The following SUFU variants were observed in gnomAD, a reference collection of about 807,000 sequenced individuals.
SUFU encodes the protein SUFU negative regulator of hedgehog signaling, also known as suppressor of fused homolog.
A neutral mutation model predicts 58.9 loss-of-function variants in SUFU; 7 were observed. The observed-to-expected ratio is 0.12, with a 90% CI of 0.07 to 0.22. The LOEUF (loss-of-function observed/expected upper bound fraction) is 0.22. Among genes scored for constraint, SUFU ranks in the 10% least tolerant of loss-of-function variants. The pLI, the probability that SUFU is intolerant of heterozygous loss-of-function variation, is 1.00. For missense variants in SUFU, 451 were observed against 641.3 expected, an observed-to-expected ratio of 0.70 and a Z score of 3.20; for synonymous variants, 232 against 254.8, an observed-to-expected ratio of 0.91 and a Z score of 0.85.
chr10:102,587,786 G>A (rs539514857), intron 3 of SUFU, among the ~76,000 whole-genome samples: 4 of 152,272 alleles, frequency 2.6e-5, no homozygotes, highest in East Asian at 3.9e-4. Context: ...GAGCCACTGC[G>A]CCCAGCCAGC....
chr10:102,572,719 G>T lies in SUFU; in HGVS notation c.455-19863G>T. 5 of 712,016 alleles carry T rather than the reference G, an allele frequency of 7.0e-6. No homozygotes were observed. The East Asian group carries it at 1.4e-4, about 19-fold the overall frequency. The allele number at this position is 712,016 out of a possible 1,614,324, so 44.1% of individuals were successfully genotyped here. A position where few individuals can be genotyped will look rare whatever the true frequency, so the allele number is the denominator to read the frequency against. On this transcript the variant is annotated intron_variant, in intron 3 of 11. Transcript: ENST00000369902. ...TTTTTTGTTGTTGTTATGGTGAAAA[G>T]ATATACATATATTTAGAATTACCCA...
Position 102,504,179 on chromosome 10 carries a change from C to A in SUFU, c.27C>A (p.Ala9=), listed in dbSNP as rs1244167364. ...TGGCGGAGCTGCGGCCTAGCGGCGC[C>A]CCCGGCCCCACCGCGCCCCCGGCCC... The part of the protein sequence containing the change: MAELRPSG[A]PGPTAPPAPG... Residue 9 remains alanine, a synonymous_variant, in exon 1 of 12, where the codon GCC becomes GCA. Transcript: ENST00000369902. 1.3e-6 allele frequency: 2 copies of A among 1,546,880 alleles called. No homozygotes were observed. The highest frequency in any genetic ancestry group is 8.7e-7 in the Non-Finnish European group (1 of 1,147,254).
intron 9 of SUFU, 79 bp downstream of exon 9, chr10:102,615,481 A>C (rs2135930900): frequency 1.9e-6 from 3 of 1,604,172 alleles, no homozygotes; most frequent in Non-Finnish European, 2.6e-6. Context: ...GAGCCTCCCC[A>C]GCCCCCTCCC....
chr10:102,505,179 AG>A (rs1199060279), intron 1 of SUFU, among the ~76,000 whole-genome samples: 7 of 152,118 alleles, frequency 4.6e-5, no homozygotes, highest in Non-Finnish European at 1.5e-5. Flanking sequence ...CATTAAGAGG[AG>A]CTTCTCGGCC....
chr10:102,584,454 T>G (rs1000602608), intron 3 of SUFU, among the ~76,000 whole-genome samples: 1 of 152,186 alleles, frequency 6.6e-6, no homozygotes, highest in African/African-American at 2.4e-5. Context: ...ATGCTAGGAT[T>G]ACAGGCATGA....
intron 2 of SUFU, among the ~76,000 whole-genome samples, chr10:102,520,387 T>A (rs1183603903): frequency 6.6e-6 from 1 of 151,506 alleles, no homozygotes; most frequent in Non-Finnish European, 1.5e-5. Flanking sequence ...CCGGCTAATT[T>A]TTTTGTATGT....
intron 2 of SUFU, among the ~76,000 whole-genome samples, chr10:102,515,085 C>A (rs180712569): frequency 1.3e-5 from 2 of 152,182 alleles, no homozygotes; most frequent in African/African-American, 2.4e-5. Flanking sequence ...TTCTGCACCC[C>A]CCGTGGGGTC....
chr10:102,504,468 G>T, intron 1 of SUFU, 134 bp downstream of exon 1: 1 of 1,503,656 alleles, frequency 6.7e-7, no homozygotes, highest in Non-Finnish European at 8.9e-7. Flanking sequence ...GCTTCTTGCT[G>T]CGAGGGAAGG....
At chr10:102,535,074 T>G (rs1564669507) in intron 2 of SUFU, among the ~76,000 whole-genome samples, 1 of 152,132 alleles carries the variant, frequency 6.6e-6, no homozygotes, top group Non-Finnish European at 1.5e-5. Context: ...GAACTCAGCC[T>G]GATTCCCAAG....
chr10:102,581,515 A>T (rs2063279906), intron 3 of SUFU, among the ~76,000 whole-genome samples: 1 of 152,080 alleles, frequency 6.6e-6, no homozygotes, highest in Admixed American at 6.5e-5. Context: ...CTTGAGAAGG[A>T]GCTGTCTTCC....
chr10:102,510,638 A>G (rs1305694032), intron 2 of SUFU, among the ~76,000 whole-genome samples: 2 of 151,796 alleles, frequency 1.3e-5, no homozygotes, highest in African/African-American at 4.8e-5. Context: ...CCCGGCCAAC[A>G]TGGTGAAACC....
At chr10:102,589,512 C>T (rs1590058613) in intron 3 of SUFU, among the ~76,000 whole-genome samples, 1 of 118,622 alleles carries the variant, frequency 8.4e-6, no homozygotes, top group South Asian at 2.9e-4. Flanking sequence ...GTGGCATGAT[C>T]TCGGCTCACT....
Position 102,617,697 on chromosome 10 carries a change from G to A in SUFU, c.1296+269G>A. On this transcript the variant is annotated intron_variant, in intron 10 of 11. Coordinates refer to ENST00000369902, the MANE Select transcript of SUFU (RefSeq NM_016169.4). The surrounding 1 kb of genome is among the most constrained non-coding windows in gnomAD (Gnocchi z 4.4). ...CAGGCCCTGGCTCTTGGTAATTCTG[G>A]TTCCCCGTGGAAATCCAGGTTGGAG... 3.3e-6 allele frequency: 2 copies of A among 602,210 alleles called. No individual in the cohort carries two copies. Among genetic ancestry groups the A allele is most frequent in the South Asian group, 2.1e-5 (1 of 46,540 alleles). The allele number at this position is 602,210 out of a possible 1,614,324, so 37.3% of individuals were successfully genotyped here. A position where few individuals can be genotyped will look rare whatever the true frequency, so the allele number is the denominator to read the frequency against.
chr10:102,605,124 G>T (rs2063550795), intron 8 of SUFU, among the ~76,000 whole-genome samples: 1 of 151,814 alleles, frequency 6.6e-6, no homozygotes, highest in Non-Finnish European at 1.5e-5. Context: ...TCACCATGTT[G>T]GTCAGGCTGG....
chr10:102,616,645 T>G (rs1247435788), intron 9 of SUFU, among the ~76,000 whole-genome samples: 1 of 152,256 alleles, frequency 6.6e-6, no homozygotes, highest in African/African-American at 2.4e-5. Context: ...TAGCTGCCCC[T>G]GCCTGCCCCT....
At position 102,592,679 on chromosome 10, in the gene SUFU, G is replaced by C; in HGVS notation, c.552G>C (p.Gln184His). Residue 184 changes from glutamine to histidine, a missense_variant, in exon 4 of 12, where the codon CAG (glutamine) becomes CAC (histidine). Coordinates refer to ENST00000369902, the MANE Select transcript of SUFU (RefSeq NM_016169.4). Reference protein sequence around the residue: ...IQHMLLTEDPQMQPVQTPFGV... With the variant: ...IQHMLLTEDPHMQPVQTPFGV... ...ACATGCTGCTGACAGAGGACCCACA[G>C]ATGCAGCCCGTGCAGACACCCTTTG... 6.2e-7 allele frequency: 1 copy of C among 1,614,240 alleles called. No homozygotes were observed. Among genetic ancestry groups the C allele is most frequent in the Non-Finnish European group, 8.5e-7 (1 of 1,180,044 alleles).
chr10:102,522,354 A>C (rs1433247254), intron 2 of SUFU, among the ~76,000 whole-genome samples: 1 of 152,104 alleles, frequency 6.6e-6, no homozygotes, highest in South Asian at 2.1e-4. Flanking sequence ...GTGTTCTTCC[A>C]GTTGTTGCTT....
At chr10:102,572,687 C>T (rs1025886793) in intron 3 of SUFU, 2 of 636,248 alleles carry the variant, frequency 3.1e-6, no homozygotes, top group African/African-American at 3.6e-5. Flanking sequence ...CCACCATGCC[C>T]AGCCTTTTTT....
chr10:102,504,909 A>G (rs1213717815), intron 1 of SUFU, among the ~76,000 whole-genome samples: 1 of 152,174 alleles, frequency 6.6e-6, no homozygotes, highest in Non-Finnish European at 1.5e-5. Context: ...CGATTAGCTC[A>G]GACGTCGTAT....
Sources: allele counts gnomAD v4.1 joint callset (sites outside exome capture counted in the v4.1 genomes callset), GRCh38; gene constraint gnomAD v4.1.1; non-coding constraint Gnocchi (gnomAD v3.1); transcripts MANE v1.5; gene names NCBI Gene and HGNC (gene_info 2026-07-23, HGNC 2026-07-21).